The following RALGAPA2 variants were observed in gnomAD, a reference collection of about 807,000 sequenced individuals.
RALGAPA2 encodes ral GTPase-activating protein subunit alpha-2.
In RALGAPA2, 139 loss-of-function variants were observed where a neutral mutation model predicts 230.4. The ratio of observed to expected loss-of-function variants is 0.60; its 90% CI spans 0.53 to 0.69. The LOEUF (loss-of-function observed/expected upper bound fraction) is 0.69. Among genes scored for constraint, RALGAPA2 ranks in the 30% least tolerant of loss-of-function variants. The pLI, the probability that RALGAPA2 is intolerant of heterozygous loss-of-function variation, is 0.00. For missense variants in RALGAPA2, 2,163 were observed against 2,276.0 expected (o/e 0.95, Z 1.01); for synonymous variants, 847 against 837.8 (o/e 1.01, Z -0.19).
intron 10 of RALGAPA2, among the ~76,000 whole-genome samples, chr20:20,623,291 A>G (rs1299822916): frequency 1.3e-5 from 2 of 152,192 alleles, no homozygotes; most frequent in Non-Finnish European, 2.9e-5. Flanking sequence ...AAGATGTACC[A>G]TACAAACACT....
chr20:20,602,807 G>A (rs192750234), intron 15 of RALGAPA2, among the ~76,000 whole-genome samples: 2 of 142,822 alleles, frequency 1.4e-5, no homozygotes, highest in South Asian at 2.3e-4. Context: ...CTTGCAGAAT[G>A]GCAGGCGTGT....
chr20:20,401,180 A>T (rs1299321022), intron 38 of RALGAPA2, among the ~76,000 whole-genome samples: 2 of 152,178 alleles, frequency 1.3e-5, no homozygotes, highest in Non-Finnish European at 2.9e-5. Flanking sequence ...ACAGTATGTG[A>T]ATTAGATCTC....
intron 37 of RALGAPA2, among the ~76,000 whole-genome samples, chr20:20,433,654 C>T (rs1263030260): frequency 1.3e-5 from 2 of 152,140 alleles, no homozygotes; most frequent in Non-Finnish European, 2.9e-5. Flanking sequence ...ACCTACTCAG[C>T]TCATTTAAAA....
chr20:20,401,436 C>T (rs1272935479), intron 38 of RALGAPA2, among the ~76,000 whole-genome samples: 2 of 152,194 alleles, frequency 1.3e-5, no homozygotes, highest in Non-Finnish European at 1.5e-5. Flanking sequence ...GGCCAACCCA[C>T]TGCTGGCACA....
intron 23 of RALGAPA2, among the ~76,000 whole-genome samples, chr20:20,547,511 G>C (rs577046161): frequency 1.3e-5 from 2 of 152,164 alleles, no homozygotes; most frequent in Non-Finnish European, 2.9e-5. Context: ...TGGCTGGATG[G>C]CCCCTCACCC....
intron 38 of RALGAPA2, among the ~76,000 whole-genome samples, chr20:20,402,803 T>C (rs2122689256): frequency 6.6e-6 from 1 of 152,298 alleles, no homozygotes; most frequent in African/African-American, 2.4e-5. Flanking sequence ...AAGAGTCATA[T>C]CACAGCACTC....
In RALGAPA2 at chr20:20,513,255, G is replaced by T. The variant is rs1398388197; in HGVS notation, c.4114C>A (p.Pro1372Thr). The T allele has an allele frequency of 6.7e-7, 1 of 1,486,560 alleles. No homozygotes were observed. The highest frequency in any genetic ancestry group is 8.9e-7 in the Non-Finnish European group (1 of 1,119,372). The allele number at this position is 1,486,560 out of a possible 1,614,324, so 92.1% of individuals were successfully genotyped here. A position where few individuals can be genotyped will look rare whatever the true frequency, so the allele number is the denominator to read the frequency against. ...GCCATCACCATTCGAGCAGTCAAAG[G>T]GATCAACTCCAAACTTCTTCTCTTC... ...EKKRRSLELIPLTARMVMAHL... is the reference protein window; with the variant it reads ...EKKRRSLELITLTARMVMAHL... Residue 1372 changes from proline (P) to threonine (T), a missense_variant, in exon 32 of 40, where the codon CCT becomes ACT. By Grantham distance (38) the Pro-to-Thr change is conservative. Coordinates refer to ENST00000202677, the MANE Select transcript of RALGAPA2 (RefSeq NM_020343.4).
chr20:20,430,937 C>T (rs2060488874), intron 37 of RALGAPA2, among the ~76,000 whole-genome samples: 1 of 151,906 alleles, frequency 6.6e-6, no homozygotes, highest in South Asian at 2.1e-4. Flanking sequence ...CTCATGGTCC[C>T]TATCGTCTCC....
At chr20:20,681,809 T>C (rs6035672) in intron 1 of RALGAPA2, among the ~76,000 whole-genome samples, 1,640 of 152,250 alleles carry the variant, frequency 0.011, 35 homozygotes, top group African/African-American at 0.038. Flanking sequence ...CAGTGAGCTA[T>C]GGTTGAGCCA....
chr20:20,528,142 C>G (rs910562648), intron 27 of RALGAPA2, among the ~76,000 whole-genome samples: 3 of 152,016 alleles, frequency 2.0e-5, no homozygotes, highest in African/African-American at 7.3e-5. Context: ...AAAGGTCGGT[C>G]GGATACAGGG....
At chr20:20,503,918 A>G (rs1182300288) in intron 34 of RALGAPA2, among the ~76,000 whole-genome samples, 3 of 152,196 alleles carry the variant, frequency 2.0e-5, no homozygotes, top group African/African-American at 7.2e-5. Flanking sequence ...AAAAGGTACC[A>G]ATATTAAAAA....
In RALGAPA2 at chr20:20,411,340, C is replaced by A. The variant is rs187179373; in HGVS notation, c.5617+687G>T. ...GTAATCACATAATCTGTTTAAGTGG[C>A]AATACATGTATTTTTCCCCCCAAAC... On this transcript the variant is annotated intron_variant, in intron 38 of 39. Transcript: ENST00000202677. Among the ~76,000 whole-genome samples the A allele has an allele frequency of 3.4e-3, 512 of 152,162 alleles. 2 individuals carry two copies. Among genetic ancestry groups the A allele is most frequent in the Non-Finnish European group, 6.0e-3 (407 of 68,002 alleles).
In RALGAPA2 at chr20:20,512,879, G is replaced by A. The variant is rs369405077; in HGVS notation, c.4490C>T (p.Ser1497Leu). 9.3e-6 allele frequency: 15 copies of A among 1,613,648 alleles called. No homozygotes were observed. Among genetic ancestry groups the A allele is most frequent in the East Asian group, 8.9e-5 (4 of 44,896 alleles). Residue 1497 changes from serine to leucine, a missense_variant, in exon 32 of 40, where the codon TCG becomes TTG. Coordinates refer to ENST00000202677, the MANE Select transcript of RALGAPA2 (RefSeq NM_020343.4). ...TCCAAATGTGTCACGATGCCAGCTC[G>A]AAATCAGAAATGAAGGATTTCTTCC... ...PNGRNPSFLI[S>L]SWHRDTFGPQ...
chr20:20,396,621 C>G, intron 39 of RALGAPA2, 74 bp downstream of exon 39: 1 of 1,379,762 alleles, frequency 7.2e-7, no homozygotes, highest in Non-Finnish European at 1.0e-6. Flanking sequence ...CTACCGAGGG[C>G]AGCCGATTAG....
intron 37 of RALGAPA2, among the ~76,000 whole-genome samples, chr20:20,436,701 C>T (rs964444540): frequency 3.3e-5 from 5 of 152,098 alleles, no homozygotes; most frequent in Non-Finnish European, 5.9e-5. Context: ...GGTTGGAGGC[C>T]GAAGAGTAAT....
intron 35 of RALGAPA2, among the ~76,000 whole-genome samples, chr20:20,496,509 G>A (rs762710687): frequency 7.2e-5 from 11 of 152,142 alleles, no homozygotes; most frequent in East Asian, 3.8e-4. Flanking sequence ...GTTCTCTCAC[G>A]TGGAACTGCA....
chr20:20,538,412 T>C (rs1314584594), intron 24 of RALGAPA2, among the ~76,000 whole-genome samples: 1 of 151,984 alleles, frequency 6.6e-6, no homozygotes, highest in Non-Finnish European at 1.5e-5. Context: ...GATGGGAGGC[T>C]GAAAGGGTCA....
At chr20:20,493,867 T>C (rs893981778) in intron 36 of RALGAPA2, among the ~76,000 whole-genome samples, 7 of 152,200 alleles carry the variant, frequency 4.6e-5, no homozygotes, top group African/African-American at 1.2e-4. Context: ...ATATTTAATA[T>C]GAAGTGACTT....
intron 16 of RALGAPA2, among the ~76,000 whole-genome samples, chr20:20,595,615 T>G (rs940554939): frequency 1.9e-4 from 29 of 152,188 alleles, no homozygotes; most frequent in African/African-American, 6.3e-4. Context: ...CTACTATCTG[T>G]AAGTGCTACA....
Sources: gnomAD v4.1 joint callset for allele counts (sites outside exome capture counted in the v4.1 genomes callset) on GRCh38, gnomAD v4.1.1 for gene constraint, MANE v1.5 for transcripts, NCBI Gene and HGNC (gene_info 2026-07-23, HGNC 2026-07-21) for gene names.